The following CRACR2A variants were observed in gnomAD, a reference collection of about 807,000 sequenced individuals.
CRACR2A encodes the protein EF-hand calcium-binding domain-containing protein 4B.
Under a neutral mutation model 90.5 loss-of-function variants are expected in CRACR2A, and 79 were observed. The ratio of observed to expected loss-of-function variants is 0.87; its 90% confidence interval spans 0.73 to 1.05. The LOEUF (loss-of-function observed/expected upper bound fraction) is 1.05. Among genes scored for constraint, CRACR2A ranks in the 50% least tolerant of loss-of-function variants. The pLI, the probability that CRACR2A is intolerant of heterozygous loss-of-function variation, is 0.00. For missense variants in CRACR2A, 823 were observed against 897.2 expected, an observed-to-expected ratio of 0.92 and a Z score of 1.06; for synonymous variants, 338 against 356.7, an observed-to-expected ratio of 0.95 and a Z score of 0.59.
intron 10 of CRACR2A, among the ~76,000 whole-genome samples, chr12:3,651,098 G>A (rs1440600136): frequency 6.6e-6 from 1 of 152,230 alleles, no homozygotes; most frequent in Non-Finnish European, 1.5e-5. Flanking sequence ...GCGTTTGTTT[G>A]GAGTGGTAAT....
intron 10 of CRACR2A, among the ~76,000 whole-genome samples, chr12:3,651,169 C>T (rs1046997136): frequency 2.0e-5 from 3 of 152,182 alleles, no homozygotes; most frequent in Non-Finnish European, 4.4e-5. Context: ...GGGAGGGATG[C>T]GCTATGGAGC....
rs375476212 is a variant in CRACR2A, at chr12:3,673,434, T to G, written c.671+12A>C. On this transcript the variant is annotated intron_variant, in intron 7 of 19. Transcript: ENST00000440314. Reference sequence around the variant, plus strand: ...CATAGTTACAGAAAGCGGCTGACACTGGGGTACCCACCTTTTTAGGGCACA... The same window carrying G: ...CATAGTTACAGAAAGCGGCTGACACGGGGGTACCCACCTTTTTAGGGCACA... The G allele has an allele frequency of 2.2e-5, 35 of 1,606,828 alleles. No homozygotes were observed. The highest frequency in any genetic ancestry group is 2.9e-5 in the Non-Finnish European group (34 of 1,178,106).
chr12:3,672,787 A>G (rs7350575), intron 7 of CRACR2A: 43,074 of 985,304 alleles, frequency 0.044, 1,006 homozygotes, highest in Middle Eastern at 0.063. Context: ...GTGAGTGAGG[A>G]GGACTCTGGG....
chr12:3,664,451 T>C (rs1945091974), intron 7 of CRACR2A, among the ~76,000 whole-genome samples: 3 of 152,222 alleles, frequency 2.0e-5, no homozygotes, highest in South Asian at 4.1e-4. Flanking sequence ...TATTAAGTTT[T>C]CTTTATTTTT....
At position 3,664,710 on chromosome 12, in the gene CRACR2A, C is replaced by T. The variant is rs117716897; in HGVS notation, c.672-5056G>A. Reference sequence around the variant, plus strand: ...CAACCTATCTTCTCTTAGCCATTCTCAAAACACTCCTTCTGGCCGGGCACA... The same window carrying T: ...CAACCTATCTTCTCTTAGCCATTCTTAAAACACTCCTTCTGGCCGGGCACA... On this transcript the variant is annotated intron_variant, in intron 7 of 19. Transcript: ENST00000440314. Among the ~76,000 whole-genome samples the T allele has an allele frequency of 9.3e-3, 1,418 of 152,338 alleles. 15 individuals are homozygous for T. Among genetic ancestry groups the T allele is most frequent in the Non-Finnish European group, 0.016 (1,062 of 68,030 alleles).
intron 5 of CRACR2A, 75 bp from the exon 6 acceptor site, chr12:3,679,173 G>C (rs1391816244): frequency 3.6e-6 from 5 of 1,382,086 alleles, no homozygotes; most frequent in Non-Finnish European, 4.9e-6. Context: ...TCACCTGCCA[G>C]GAATCATTGA....
intron 7 of CRACR2A, among the ~76,000 whole-genome samples, chr12:3,670,977 G>A (rs1467868066): frequency 2.6e-5 from 4 of 152,200 alleles, no homozygotes; most frequent in Non-Finnish European, 5.9e-5. Flanking sequence ...TGGAGAGGCT[G>A]GAACCTTTGG....
intron 2 of CRACR2A, among the ~76,000 whole-genome samples, chr12:3,713,744 G>A (rs1166470071): frequency 6.6e-6 from 1 of 152,200 alleles, no homozygotes. Flanking sequence ...ATTGTGGCAA[G>A]AATCACTGCC....
intron 2 of CRACR2A, among the ~76,000 whole-genome samples, chr12:3,717,949 A>G (rs995893012): frequency 1.3e-5 from 2 of 152,142 alleles, no homozygotes; most frequent in African/African-American, 2.4e-5. Context: ...CCCTAGATGG[A>G]TCTCACTCTG....
chr12:3,745,825 T>TAAAATAAAATAAAAGAAAAGAAAG (rs149739964), intron 1 of CRACR2A, among the ~76,000 whole-genome samples: 45 of 100,534 alleles, frequency 4.5e-4, no homozygotes, highest in African/African-American at 1.7e-3. Context: ...TAAAATAAAA[T>TAAAATAAAATAAAAGAAAAGAAAG]AAAGAAAGAA....
In CRACR2A at chr12:3,632,133, T is replaced by G. The variant is rs58777763; in HGVS notation, c.1735+1471A>C. On this transcript the variant is annotated intron_variant, in intron 15 of 19. Coordinates refer to ENST00000440314, the MANE Select transcript of CRACR2A (RefSeq NM_001144958.2). ...GGAGTTCTCACGAGATCTGGTTGTT[T>G]AGAAGTTTGTAGTACCTCCCCTGTC... Among the ~76,000 whole-genome samples the G allele has an allele frequency of 5.9e-3, 899 of 152,248 alleles. 8 individuals are homozygous for G. The highest frequency in any genetic ancestry group is 0.02 in the African/African-American group (837 of 41,520).
At chr12:3,683,039 G>A (rs1049843246) in intron 4 of CRACR2A, among the ~76,000 whole-genome samples, 9 of 152,048 alleles carry the variant, frequency 5.9e-5, no homozygotes, top group African/African-American at 1.9e-4. Context: ...CCTTGGCCTC[G>A]CCTCCCAAAG....
chr12:3,684,861 G>A (rs1945524830), intron 4 of CRACR2A, among the ~76,000 whole-genome samples: 1 of 152,340 alleles, frequency 6.6e-6, no homozygotes, highest in South Asian at 2.1e-4. Flanking sequence ...CAGGACACAT[G>A]CCCAAAGAAA....
At chr12:3,723,005 A>C (rs1405136362) in intron 2 of CRACR2A, among the ~76,000 whole-genome samples, 3 of 152,240 alleles carry the variant, frequency 2.0e-5, no homozygotes, top group African/African-American at 7.2e-5. Context: ...AAGATCCTTC[A>C]GACTACATCC....
intron 3 of CRACR2A, among the ~76,000 whole-genome samples, chr12:3,704,293 C>G (rs545254155): frequency 6.6e-6 from 1 of 152,108 alleles, no homozygotes; most frequent in South Asian, 2.1e-4. Context: ...AGAAGCCAGA[C>G]AAGAAAGGCA....
At chr12:3,744,715 A>G (rs1196285956) in intron 1 of CRACR2A, among the ~76,000 whole-genome samples, 2 of 152,142 alleles carry the variant, frequency 1.3e-5, no homozygotes, top group Non-Finnish European at 2.9e-5. Flanking sequence ...AAGGAATAAG[A>G]GAGAAATGGC....
At chr12:3,671,607 G>C (rs141401323) in intron 7 of CRACR2A, among the ~76,000 whole-genome samples, 1 of 152,134 alleles carries the variant, frequency 6.6e-6, no homozygotes, top group African/African-American at 2.4e-5. Context: ...CCAATGTTGC[G>C]GGTCCATGGA....
intron 8 of CRACR2A, among the ~76,000 whole-genome samples, chr12:3,657,059 C>T (rs912306619): frequency 2.0e-5 from 3 of 152,120 alleles, no homozygotes; most frequent in Non-Finnish European, 2.9e-5. Context: ...GGCTATGGGA[C>T]GAGGAGGAAA....
intron 8 of CRACR2A, among the ~76,000 whole-genome samples, chr12:3,658,832 T>TA (rs1236436494): frequency 6.6e-6 from 1 of 150,700 alleles, no homozygotes; most frequent in African/African-American, 2.4e-5. Context: ...TTTTTTTTTT[T>TA]AAATTAGTTT....
Sources: gnomAD v4.1 joint callset for allele counts (sites outside exome capture counted in the v4.1 genomes callset) on GRCh38, gnomAD v4.1.1 for gene constraint, MANE v1.5 for transcripts, NCBI Gene and HGNC (gene_info 2026-07-23, HGNC 2026-07-21) for gene names.